The following TSHZ3 variants were observed in gnomAD, a reference collection of about 807,000 sequenced individuals.
The protein encoded by TSHZ3 is teashirt homolog 3.
TSHZ3 carries 10 observed loss-of-function variants against 64.5 expected under a neutral mutation model. That is an observed-to-expected ratio of 0.16 (90% CI 0.10 to 0.26). TSHZ3 has a LOEUF of 0.26. Among genes scored for constraint, TSHZ3 ranks in the 10% least tolerant of loss-of-function variants. The pLI, the probability that TSHZ3 is intolerant of heterozygous loss-of-function variation, is 1.00. For missense variants in TSHZ3, 1,242 were observed against 1,421.7 expected (o/e 0.87, Z 2.03); for synonymous variants, 608 against 593.1 (o/e 1.03, Z -0.36).
At chr19:31,317,215 C>T (rs1023054509) in intron 1 of TSHZ3, among the ~76,000 whole-genome samples, 3 of 152,160 alleles carry the variant, frequency 2.0e-5, no homozygotes, top group Admixed American at 6.5e-5. Flanking sequence ...CAGCCCCAGC[C>T]CCAGCCAGAG....
At chr19:31,176,600 G>A (rs2145120845) in intron 5 of TSHZ3, among the ~76,000 whole-genome samples, 1 of 152,158 alleles carries the variant, frequency 6.6e-6, no homozygotes, top group Non-Finnish European at 1.5e-5. Flanking sequence ...TTGAGACTGG[G>A]CAACATAGCA....
At chr19:31,302,822 A>G (rs1976776631) in intron 1 of TSHZ3, among the ~76,000 whole-genome samples, 1 of 152,214 alleles carries the variant, frequency 6.6e-6, no homozygotes, top group South Asian at 2.1e-4. Context: ...AAACAGGAGC[A>G]TCTGGAAGCC....
Position 31,216,454 on chromosome 19 carries a change from C to CTT in TSHZ3, n.687-11378_687-11377dup, listed in dbSNP as rs758169952. On this transcript the variant is annotated intron_variant and non_coding_transcript_variant, in intron 4 of 6. Coordinates refer to the TSHZ3 transcript ENST00000651361. ...TCAGAAAGGCTTTCCCAGGAGGCAG[C>CTT]TTTTTTTTTTTTTTTTGAGACAGAG... Among the ~76,000 whole-genome samples, 9 of 137,662 alleles carry CTT rather than the reference C, an allele frequency of 6.5e-5. 1 individual carries two copies. The highest frequency in any genetic ancestry group is 4.7e-4 in the South Asian group (2 of 4,238). The allele number at this position is 137,662 out of a possible 152,430, so 90.3% of individuals were successfully genotyped here. A position where few individuals can be genotyped will look rare whatever the true frequency, so the allele number is the denominator to read the frequency against.
chr19:31,213,454 A>G (rs1975287985), intron 4 of TSHZ3, among the ~76,000 whole-genome samples: 1 of 149,086 alleles, frequency 6.7e-6, no homozygotes, highest in Admixed American at 6.8e-5. Context: ...ATTTTAGGAC[A>G]GTGAAACTAC....
chr19:31,168,150 T>C (rs927049907), intron 5 of TSHZ3, among the ~76,000 whole-genome samples: 1 of 152,170 alleles, frequency 6.6e-6, no homozygotes, highest in South Asian at 2.1e-4. Flanking sequence ...ATTGATCTAG[T>C]ATTTTTTTTT....
At chr19:31,294,498 C>T (rs1976629666) in intron 1 of TSHZ3, among the ~76,000 whole-genome samples, 1 of 152,144 alleles carries the variant, frequency 6.6e-6, no homozygotes, top group Non-Finnish European at 1.5e-5. Flanking sequence ...TAACATGCAC[C>T]CAGGCCTCAC....
chr19:31,268,332 G>A (rs1976084693), intron 1 of TSHZ3, among the ~76,000 whole-genome samples: 1 of 152,118 alleles, frequency 6.6e-6, no homozygotes, highest in Admixed American at 6.5e-5. Context: ...GGAAACTCTG[G>A]GTTGGCAGGG....
At chr19:31,156,960 C>A (rs1428173040) in intron 5 of TSHZ3, among the ~76,000 whole-genome samples, 1 of 152,108 alleles carries the variant, frequency 6.6e-6, no homozygotes. Context: ...CCCAGGAGTC[C>A]CTCATGCAGC....
At chr19:31,337,492 C>T (rs755541841) in intron 1 of TSHZ3, among the ~76,000 whole-genome samples, 2 of 152,202 alleles carry the variant, frequency 1.3e-5, no homozygotes, top group Admixed American at 1.3e-4. Context: ...ACCTTCAACA[C>T]TGCCCAAGTG....
chr19:31,197,241 A>T (rs1005217605), intron 5 of TSHZ3, among the ~76,000 whole-genome samples: 16 of 152,000 alleles, frequency 1.1e-4, no homozygotes, highest in Non-Finnish European at 1.5e-5. Flanking sequence ...AGAGAAATTT[A>T]AAAATATTTT....
chr19:31,311,466 C>T (rs1212147906), intron 1 of TSHZ3, among the ~76,000 whole-genome samples: 1 of 152,068 alleles, frequency 6.6e-6, no homozygotes, highest in Non-Finnish European at 1.5e-5. Flanking sequence ...TCGCCTGTGG[C>T]CTCCGACTGC....
In TSHZ3 at chr19:31,201,705, G is replaced by A. The variant is rs201870659; in HGVS notation, n.809+3251C>T. Among the ~76,000 whole-genome samples, 12 of 152,306 alleles carry A rather than the reference G, an allele frequency of 7.9e-5. No homozygotes were observed. The East Asian group carries it at 1.9e-3, about 24-fold the overall frequency. ...ATTCATTCAACTGCTGGGTGGAAGAGCGGCTTCCCTCTTCCTTCCTCAGAA... is the reference window on the plus strand; with the variant it reads ...ATTCATTCAACTGCTGGGTGGAAGAACGGCTTCCCTCTTCCTTCCTCAGAA... On this transcript the variant is annotated intron_variant and non_coding_transcript_variant, in intron 5 of 6. Transcript: ENST00000651361.
At chr19:31,171,093 T>C (rs888516270) in intron 5 of TSHZ3, among the ~76,000 whole-genome samples, 3 of 152,040 alleles carry the variant, frequency 2.0e-5, no homozygotes, top group Non-Finnish European at 2.9e-5. Flanking sequence ...GGAAAAATGG[T>C]CTCAGTAAAG....
chr19:31,237,878 T>C (rs1349445864), intron 3 of TSHZ3, among the ~76,000 whole-genome samples: 1 of 152,212 alleles, frequency 6.6e-6, no homozygotes, highest in Non-Finnish European at 1.5e-5. Context: ...AAAAAGCTTG[T>C]TTTATTCCAA....
chr19:31,342,944 G>A (rs1917480248), intron 1 of TSHZ3, among the ~76,000 whole-genome samples: 2 of 152,240 alleles, frequency 1.3e-5, no homozygotes, highest in South Asian at 2.1e-4. Flanking sequence ...TGGATTCACA[G>A]TGCATTGAGA....
intron 1 of TSHZ3, among the ~76,000 whole-genome samples, chr19:31,281,668 C>A (rs955122699): frequency 1.3e-5 from 2 of 152,286 alleles, no homozygotes; most frequent in South Asian, 4.1e-4. Flanking sequence ...TAGGGAAATA[C>A]GGCGCTGGCC....
chr19:31,230,716 T>C (rs1362997954), intron 3 of TSHZ3, among the ~76,000 whole-genome samples: 2 of 148,102 alleles, frequency 1.4e-5, no homozygotes, highest in Admixed American at 1.4e-4. Context: ...TTTTTTTTTT[T>C]TGAGACGGAG....
At chr19:31,282,688 T>C (rs1291508416) in intron 1 of TSHZ3, among the ~76,000 whole-genome samples, 1 of 152,192 alleles carries the variant, frequency 6.6e-6, no homozygotes, top group Non-Finnish European at 1.5e-5. Flanking sequence ...CTTTGTAAAC[T>C]ACACAGCAGG....
chr19:31,196,694 C>A (rs1196493240), intron 5 of TSHZ3, among the ~76,000 whole-genome samples: 1 of 151,744 alleles, frequency 6.6e-6, no homozygotes, highest in Non-Finnish European at 1.5e-5. Context: ...TCAGATAGAG[C>A]AAATAAGCTA....
Sources: gnomAD v4.1 joint callset for allele counts (sites outside exome capture counted in the v4.1 genomes callset) on GRCh38, gnomAD v4.1.1 for gene constraint, MANE v1.5 for transcripts, NCBI Gene and HGNC (gene_info 2026-07-23, HGNC 2026-07-21) for gene names.